The following ICMT variants were observed in gnomAD, a reference collection of about 807,000 sequenced individuals.
ICMT encodes the protein protein-S-isoprenylcysteine O-methyltransferase.
ICMT carries 10 observed loss-of-function variants against 32.2 expected under a neutral mutation model. The ratio of observed to expected loss-of-function variants is 0.31; its 90% CI spans 0.19 to 0.53. ICMT has a LOEUF of 0.53. ICMT is among the 20% of genes least tolerant of loss of function. The pLI is 0.96. For missense variants in ICMT, 265 were observed against 356.9 expected (o/e 0.74, Z 2.07); for synonymous variants, 183 against 158.2 (o/e 1.16, Z -1.18).
chr1:6,233,085 A>G (rs967411040), intron 3 of ICMT, among the ~76,000 whole-genome samples: 1 of 150,280 alleles, frequency 6.7e-6, no homozygotes, highest in African/African-American at 2.5e-5. Flanking sequence ...CGAACTCCTG[A>G]CCTTGTGATC....
At chr1:6,225,781 GTC>G (rs1393622020) in intron 4 of ICMT, among the ~76,000 whole-genome samples, 1 of 151,904 alleles carries the variant, frequency 6.6e-6, no homozygotes, top group African/African-American at 2.4e-5. Context: ...CACCCCCTGA[GTC>G]TGGGTTTCCA....
At chr1:6,226,984 G>C (rs1180710027) in intron 4 of ICMT, among the ~76,000 whole-genome samples, 1 of 152,242 alleles carries the variant, frequency 6.6e-6, no homozygotes, top group East Asian at 1.9e-4. Context: ...GGCATAGCTT[G>C]CTGGGGATAC....
intron 4 of ICMT, among the ~76,000 whole-genome samples, chr1:6,226,617 A>G (rs893192570): frequency 6.6e-6 from 1 of 152,312 alleles, no homozygotes. Flanking sequence ...GACCTCTCAC[A>G]CCTTCTCTTA....
chr1:6,225,557 G>A (rs954895284), intron 4 of ICMT, among the ~76,000 whole-genome samples: 10 of 152,174 alleles, frequency 6.6e-5, no homozygotes, highest in African/African-American at 2.2e-4. Context: ...CTCCAGGTGT[G>A]AGCTCCCCAA....
At position 6,235,831 on chromosome 1, in the gene ICMT, C is replaced by A; in HGVS notation, c.81G>T (p.Val27=). The A allele has an allele frequency of 7.7e-7, 1 of 1,292,422 alleles. No individual in the cohort carries two copies. The highest frequency in any genetic ancestry group is 9.9e-7 in the Non-Finnish European group (1 of 1,010,634). The allele number at this position is 1,292,422 out of a possible 1,614,324, so 80.1% of individuals were successfully genotyped here. The change falls in exon 1 of 5, where the codon GTG becomes GTT. Residue 27 remains valine, a synonymous_variant. Coordinates refer to ENST00000343813, the MANE Select transcript of ICMT (RefSeq NM_012405.4). Reference sequence around the variant, plus strand: ...CGCGCGTGAGCAGCGGCAGCGCGAGCACCGAGGCGCCCAGCAGGAAGGTGG... The same window carrying A: ...CGCGCGTGAGCAGCGGCAGCGCGAGAACCGAGGCGCCCAGCAGGAAGGTGG... ...SLATFLLGAS[V]LALPLLTRAG... is the part of the protein sequence containing the mutation.
At position 6,222,895 on chromosome 1, in the gene ICMT, G is replaced by A. The variant is rs1668578615; in HGVS notation, c.*2185C>T. On this transcript the variant is annotated 3_prime_UTR_variant, in exon 5 of 5. Transcript: ENST00000343813. ...CATCCTCTCCCGGTTTGCAGTTCTA[G>A]GAAGTGGAATTTGCTGCCCTAGGCG... The A allele has an allele frequency of 6.6e-6, 1 of 152,248 alleles. No homozygotes were observed. The highest frequency in any genetic ancestry group is 1.5e-5 in the Non-Finnish European group (1 of 68,048). 9.4% of individuals were successfully genotyped at this position (152,248 alleles called of 1,614,324 possible).
intron 4 of ICMT, among the ~76,000 whole-genome samples, chr1:6,227,640 G>C (rs1374346586): frequency 6.6e-6 from 1 of 152,154 alleles, no homozygotes. Flanking sequence ...TGGATCATGA[G>C]GTCAGGAGAT....
chr1:6,226,733 T>C (rs1321496007), intron 4 of ICMT, among the ~76,000 whole-genome samples: 1 of 152,008 alleles, frequency 6.6e-6, no homozygotes, highest in Non-Finnish European at 1.5e-5. Flanking sequence ...CCCCACTTTG[T>C]TTTTTTTAAA....
In ICMT at chr1:6,224,669, T is replaced by C. The variant is rs1014935984; in HGVS notation, c.*411A>G. On this transcript the variant is annotated 3_prime_UTR_variant, in exon 5 of 5. Transcript: ENST00000343813. The stretch of plus-strand genomic sequence containing the variant: ...GTTGTAAATGCATTTTTACCGCTGA[T>C]AAGAAGGGGTACCTGCTACCCCTTT... 6.1e-6 allele frequency: 1 copy of C among 163,326 alleles called. No homozygotes were observed. Among genetic ancestry groups the C allele is most frequent in the African/African-American group, 2.4e-5 (1 of 41,926 alleles). The allele number at this position is 163,326 out of a possible 1,614,324, so 10.1% of individuals were successfully genotyped here.
At position 6,225,292 on chromosome 1, in the gene ICMT, G is replaced by A. The variant is rs373897701; in HGVS notation, c.673-30C>T. 13 of 1,601,208 alleles carry A rather than the reference G, an allele frequency of 8.1e-6. No homozygotes were observed. In the African/African-American group the frequency reaches 1.7e-4, roughly 21 times the overall value. On this transcript the variant is annotated intron_variant, in intron 4 of 4. Transcript: ENST00000343813. ...CAGAGGGAGACACCAGGCTCATCAG[G>A]GTGACCGTGGGATGACGCCCTGTGC...
rs1668811788 is a variant in ICMT at position 6,235,652 on chromosome 1, A to ACGCGC, written c.195+60_195+64dup. ...TGCGGGCCCGGGGAGAAAGGTGCCC[A>ACGCGC]CGCGCCGCGCCAAGCGGACCGCCGC... On this transcript the variant is annotated intron_variant, in intron 1 of 4. Coordinates refer to ENST00000343813, the MANE Select transcript of ICMT (RefSeq NM_012405.4). The ACGCGC allele has an allele frequency of 3.8e-6, 4 of 1,063,864 alleles. No individual in the cohort carries two copies. The Admixed American group carries it at 2.0e-4, about 53-fold the overall frequency. 65.9% of individuals were successfully genotyped at this position (1,063,864 alleles called of 1,614,324 possible).
At chr1:6,229,793 C>A (rs1278864608) in intron 4 of ICMT, among the ~76,000 whole-genome samples, 1 of 84,412 alleles carries the variant, frequency 1.2e-5, no homozygotes, top group Admixed American at 1.1e-4. Context: ...TACACACACA[C>A]ACACACACAC....
At chr1:6,227,761 C>T (rs889986008) in intron 4 of ICMT, among the ~76,000 whole-genome samples, 13 of 151,980 alleles carry the variant, frequency 8.6e-5, no homozygotes, top group African/African-American at 3.1e-4. Context: ...GAGGCTGAGG[C>T]AGGAGAATGG....
intron 4 of ICMT, among the ~76,000 whole-genome samples, chr1:6,227,766 G>C (rs991651743): frequency 1.3e-5 from 2 of 152,186 alleles, no homozygotes; most frequent in African/African-American, 4.8e-5. Context: ...TGAGGCAGGA[G>C]AATGGCGTGA....
chr1:6,234,225 G>A (rs1189272914), intron 2 of ICMT, among the ~76,000 whole-genome samples: 1 of 152,130 alleles, frequency 6.6e-6, no homozygotes, highest in African/African-American at 2.4e-5. Context: ...GGTCACAGAG[G>A]CATTATGGGC....
At chr1:6,234,521 A>G (rs1302986505) in intron 2 of ICMT, 2 of 484,246 alleles carry the variant, frequency 4.1e-6, no homozygotes, top group South Asian at 3.0e-5. Context: ...CCTAATAGAA[A>G]TTAGAGATGA....
intron 2 of ICMT, 86 bp from the exon 3 acceptor site, chr1:6,233,729 T>A: frequency 9.0e-7 from 1 of 1,116,686 alleles, no homozygotes; most frequent in Non-Finnish European, 1.3e-6. Context: ...GAGCTGTCCC[T>A]AAGTCTATGA....
chr1:6,233,423 G>T, intron 3 of ICMT, 51 bp downstream of exon 3: 2 of 1,546,822 alleles, frequency 1.3e-6, no homozygotes, highest in South Asian at 1.2e-5. Flanking sequence ...TCCTCAGCCT[G>T]AATGGGAGCC....
rs756719639 is a variant in ICMT, at chr1:6,225,212, CCA to C, written c.721_722del (p.Trp241AlafsTer26). 1.9e-6 allele frequency: 3 copies of C among 1,614,042 alleles called. No homozygotes were observed. The highest frequency in any genetic ancestry group is 2.5e-6 in the Non-Finnish European group (3 of 1,180,024). Reference protein sequence around the residue: ...ICGVSYALTVWRFFRDRTEEE... With the variant: ...ICGVSYALTVXRFFRDRTEEE... ...CTTCTGTTCGATCGCGGAAGAATCG[CCA>C]CACTGTCAGGGCATAGCTGACGCCG... On this transcript the variant is annotated frameshift_variant, in exon 5 of 5. Coordinates refer to ENST00000343813, the MANE Select transcript of ICMT (RefSeq NM_012405.4). LOFTEE classifies it high-confidence loss of function.
Sources: gnomAD v4.1 joint callset for allele counts (sites outside exome capture counted in the v4.1 genomes callset) on GRCh38, gnomAD v4.1.1 for gene constraint, MANE v1.5 for transcripts, NCBI Gene and HGNC (gene_info 2026-07-23, HGNC 2026-07-21) for gene names.